Variants in GPR158 observed in about 807,000 individuals in gnomAD.
GPR158 encodes the protein G protein-coupled receptor 158.
GPR158 carries 30 observed loss-of-function variants against 78.2 expected under a neutral mutation model. That is an observed-to-expected ratio of 0.38 (90% CI 0.29 to 0.52). The LOEUF is 0.52. GPR158 is among the 20% of genes least tolerant of loss of function. GPR158 has a pLI of 0.83. For synonymous variants in GPR158, 581 were observed against 591.1 expected, an observed-to-expected ratio of 0.98 and a Z score of 0.25; for missense variants, 1,463 against 1,523.5, an observed-to-expected ratio of 0.96 and a Z score of 0.66.
Position 25,289,784 on chromosome 10 carries a change from G to C in GPR158, c.1008+68627G>C, listed in dbSNP as rs1020549196. Among the ~76,000 whole-genome samples, 26 of 152,128 alleles carry C rather than the reference G, an allele frequency of 1.7e-4. 1 individual carries two copies. Among genetic ancestry groups the C allele is most frequent in the East Asian group, 1.3e-3 (7 of 5,200 alleles). On this transcript the variant is annotated intron_variant, in intron 2 of 10. Transcript: ENST00000376351. ...TTGAAGTCCACAAACGTGAGGGATT[G>C]TCATTGCTTTTAAGAAACAATGTAT...
At chr10:25,242,525 A>C (rs2130710087) in intron 2 of GPR158, among the ~76,000 whole-genome samples, 1 of 152,334 alleles carries the variant, frequency 6.6e-6, no homozygotes, top group South Asian at 2.1e-4. Context: ...GAAAGGGTTA[A>C]TGTTAGGAAA....
chr10:25,447,475 C>T (rs1330007481), intron 4 of GPR158, among the ~76,000 whole-genome samples: 1 of 152,184 alleles, frequency 6.6e-6, no homozygotes, highest in African/African-American at 2.4e-5. Context: ...GTGGAGAATG[C>T]TGAGCTCGTT....
At chr10:25,499,451 G>C (rs1426382866) in intron 5 of GPR158, among the ~76,000 whole-genome samples, 1 of 152,166 alleles carries the variant, frequency 6.6e-6, no homozygotes, top group South Asian at 2.1e-4. Flanking sequence ...GCTTCTTCCT[G>C]CTCTGTGAAG....
intron 4 of GPR158, among the ~76,000 whole-genome samples, chr10:25,438,511 C>A (rs1201123205): frequency 6.6e-6 from 1 of 152,160 alleles, no homozygotes; most frequent in Admixed American, 6.5e-5. Flanking sequence ...GCATTTACAG[C>A]ATTGATATGT....
At chr10:25,513,750 A>G (rs571010208) in intron 5 of GPR158, among the ~76,000 whole-genome samples, 1 of 151,984 alleles carries the variant, frequency 6.6e-6, no homozygotes, top group East Asian at 1.9e-4. Context: ...GAATTTTAAA[A>G]TTTTCATTTT....
At chr10:25,373,421 A>T (rs1330734140) in intron 2 of GPR158, among the ~76,000 whole-genome samples, 1 of 151,950 alleles carries the variant, frequency 6.6e-6, no homozygotes, top group Non-Finnish European at 1.5e-5. Context: ...AAGTATTTCA[A>T]ATATGTGTCT....
At chr10:25,508,294 AAGAGGG>A (rs948773842) in intron 5 of GPR158, among the ~76,000 whole-genome samples, 2 of 152,176 alleles carry the variant, frequency 1.3e-5, no homozygotes, top group Non-Finnish European at 2.9e-5. Context: ...ACATGCTCAG[AAGAGGG>A]AGAGGGAGAG....
In GPR158 at chr10:25,598,319, T is replaced by A. The variant is rs1391827336; in HGVS notation, c.2693T>A (p.Met898Lys). ...AAAACTGGGCACCCACGAACATCGA[T>A]GTTACAGAAGTCTCTCAGTGTCATA... ...EKKTGHPRTSMLQKSLSVIAS... is the reference protein window; with the variant it reads ...EKKTGHPRTSKLQKSLSVIAS... The change falls in exon 11 of 11, where the codon ATG (methionine) becomes AAG (lysine). Residue 898 changes from methionine to lysine, a missense_variant. Met to Lys is a moderately conservative substitution (Grantham distance 95). Coordinates refer to ENST00000376351, the MANE Select transcript of GPR158 (RefSeq NM_020752.3). 4 of 1,614,040 alleles carry A rather than the reference T, an allele frequency of 2.5e-6. No individual in the cohort carries two copies. The highest frequency in any genetic ancestry group is 3.4e-6 in the Non-Finnish European group (4 of 1,180,012).
chr10:25,414,344 G>C (rs1467935797), intron 4 of GPR158, among the ~76,000 whole-genome samples: 1 of 152,082 alleles, frequency 6.6e-6, no homozygotes, highest in Non-Finnish European at 1.5e-5. Context: ...ACTATAATGA[G>C]AATACATAGC....
At chr10:25,593,143 C>G (rs1255132596) in intron 8 of GPR158, among the ~76,000 whole-genome samples, 1 of 151,868 alleles carries the variant, frequency 6.6e-6, no homozygotes, top group African/African-American at 2.4e-5. Context: ...GTTTGCATCT[C>G]TAGACACAAG....
chr10:25,280,086 T>TA (rs1854247229), intron 2 of GPR158, among the ~76,000 whole-genome samples: 1 of 150,996 alleles, frequency 6.6e-6, no homozygotes, highest in Non-Finnish European at 1.5e-5. Flanking sequence ...TCAGGTCAAA[T>TA]AAAAAGCACA....
intron 5 of GPR158, among the ~76,000 whole-genome samples, chr10:25,525,517 G>T (rs1836335643): frequency 6.6e-6 from 1 of 152,138 alleles, no homozygotes; most frequent in Non-Finnish European, 1.5e-5. Context: ...ACATTGTATG[G>T]ATGAACTTTG....
At chr10:25,288,529 T>C (rs904971676) in intron 2 of GPR158, among the ~76,000 whole-genome samples, 5 of 152,224 alleles carry the variant, frequency 3.3e-5, no homozygotes, top group Non-Finnish European at 7.3e-5. Flanking sequence ...GATTCATTTT[T>C]AAAAAATTTC....
At chr10:25,341,131 T>A (rs193093910) in intron 2 of GPR158, among the ~76,000 whole-genome samples, 2 of 152,072 alleles carry the variant, frequency 1.3e-5, no homozygotes, top group East Asian at 3.9e-4. Context: ...TGAAATAAAC[T>A]CATTTTCAGA....
At chr10:25,367,995 T>C (rs1833917707) in intron 2 of GPR158, among the ~76,000 whole-genome samples, 2 of 151,866 alleles carry the variant, frequency 1.3e-5, no homozygotes, top group African/African-American at 4.8e-5. Flanking sequence ...TCATGGAAAC[T>C]TCAAGTGCCA....
rs1186164386 is a variant in GPR158, at chr10:25,572,885, T to C, written c.1751T>C (p.Val584Ala). ...GACCGCTGGGACTACATGACAGCAGTTGGTATGTGGTCACTTGTTTCGTAT... is the reference window on the plus strand; with the variant it reads ...GACCGCTGGGACTACATGACAGCAGCTGGTATGTGGTCACTTGTTTCGTAT... ...LIDRWDYMTA[V>A]AEFLFLLWGV... The change falls in exon 7 of 11, where the codon GTT (valine) becomes GCT (alanine). Residue 584 changes from valine (V) to alanine (A), a missense_variant and splice_region_variant. Physicochemically the swap from Val to Ala is moderately conservative, Grantham distance 64 (BLOSUM62 0). Transcript: ENST00000376351. 1.3e-6 allele frequency: 2 copies of C among 1,539,428 alleles called. No homozygotes were observed. The highest frequency in any genetic ancestry group is 1.8e-6 in the Non-Finnish European group (2 of 1,111,924).
At chr10:25,545,265 C>A (rs1398531945) in intron 5 of GPR158, among the ~76,000 whole-genome samples, 4 of 152,252 alleles carry the variant, frequency 2.6e-5, no homozygotes, top group Admixed American at 2.6e-4. Flanking sequence ...GGTTCTAGAT[C>A]CTTGAGGAAT....
Position 25,572,866 on chromosome 10 carries a change from T to G in GPR158, c.1732T>G (p.Trp578Gly). Reference sequence around the variant, plus strand: ...CTTCAATATGTGCCTCATTGACCGCTGGGACTACATGACAGCAGTTGGTAT... The same window carrying G: ...CTTCAATATGTGCCTCATTGACCGCGGGGACTACATGACAGCAGTTGGTAT... ...LIFNMCLIDR[W>G]DYMTAVAEFL... The change falls in exon 7 of 11, where the codon TGG (tryptophan) becomes GGG (glycine). Residue 578 changes from tryptophan (W) to glycine (G), a missense_variant. Coordinates refer to ENST00000376351, the MANE Select transcript of GPR158 (RefSeq NM_020752.3). 6.2e-7 allele frequency: 1 copy of G among 1,603,018 alleles called. No individual in the cohort carries two copies. The highest frequency in any genetic ancestry group is 8.5e-7 in the Non-Finnish European group (1 of 1,169,892).
At chr10:25,371,349 T>A (rs1047498809) in intron 2 of GPR158, among the ~76,000 whole-genome samples, 1 of 151,904 alleles carries the variant, frequency 6.6e-6, no homozygotes, top group Admixed American at 6.6e-5. Context: ...CAGGAGGTCT[T>A]TTAGGGCAGG....
Sources: allele counts gnomAD v4.1 joint callset (sites outside exome capture counted in the v4.1 genomes callset), GRCh38; gene constraint gnomAD v4.1.1; transcripts MANE v1.5; gene names NCBI Gene and HGNC (gene_info 2026-07-23, HGNC 2026-07-21).